The following C1orf159 variants were observed in gnomAD, a reference collection of about 807,000 sequenced individuals.
The protein encoded by C1orf159 is uncharacterized protein C1orf159.
In C1orf159, 19 loss-of-function variants were observed where a neutral mutation model predicts 25.6. The ratio of observed to expected loss-of-function variants is 0.74; its 90% CI spans 0.52 to 1.09. C1orf159 has a LOEUF of 1.09. Ranked by LOEUF, C1orf159 falls within the 50% of genes least tolerant of loss-of-function variation. The pLI is 0.00. For missense variants in C1orf159, 274 were observed against 290.6 expected (o/e 0.94, Z 0.42); for synonymous variants, 139 against 124.7 (o/e 1.12, Z -0.77).
chr1:1,108,210 G>A lies in C1orf159; in HGVS notation c.-136+7850C>T, dbSNP rs555684725. ...ACAGCCACCATGTCTCAGCAGCACC[G>A]TTCACCACAGCCACCATGTCTCAGC... is the stretch of plus-strand genomic sequence containing the variant. On this transcript the variant is annotated intron_variant, in intron 1 of 9. Transcript: ENST00000421241. 8.8e-3 allele frequency among the ~76,000 whole-genome samples: 1,078 copies of A among 121,920 alleles called. 13 individuals carry two copies. Among genetic ancestry groups the A allele is most frequent in the Non-Finnish European group, 9.4e-3 (578 of 61,330 alleles). 80.0% of individuals were successfully genotyped at this position (121,920 alleles called of 152,430 possible).
intron 6 of C1orf159, among the ~76,000 whole-genome samples, chr1:1,086,776 C>T (rs1319108641): frequency 6.6e-6 from 1 of 151,806 alleles, no homozygotes; most frequent in Non-Finnish European, 1.5e-5. Flanking sequence ...GTGGTGTCAG[C>T]GTGAGCCGTG....
At chr1:1,102,092 A>G (rs1026876391) in intron 1 of C1orf159, among the ~76,000 whole-genome samples, 1 of 150,652 alleles carries the variant, frequency 6.6e-6, no homozygotes, top group South Asian at 2.1e-4. Flanking sequence ...AAAAAAAAAA[A>G]AAAACAAACT....
intron 9 of C1orf159, chr1:1,083,500 G>A (rs889240378): frequency 1.3e-4 from 31 of 236,932 alleles, no homozygotes; most frequent in Non-Finnish European, 2.3e-4. Flanking sequence ...GGGACCAGGG[G>A]ACAGAGACGG....
Position 1,103,155 on chromosome 1 carries a change from T to G in C1orf159, c.-135-11052A>C, listed in dbSNP as rs1646126394. Among the ~76,000 whole-genome samples the G allele has an allele frequency of 2.6e-5, 4 of 152,356 alleles. No homozygotes were observed. The South Asian group carries it at 8.3e-4, about 32-fold the overall frequency. Reference sequence around the variant, plus strand: ...ACCACGCCCAGCCAGATCTTGTGTTTGTTTGACCTAAAATTCCCATTTGGC... The same window carrying G: ...ACCACGCCCAGCCAGATCTTGTGTTGGTTTGACCTAAAATTCCCATTTGGC... On this transcript the variant is annotated intron_variant, in intron 1 of 9. Transcript: ENST00000421241.
Position 1,104,770 on chromosome 1 carries a change from C to A in C1orf159, c.-136+11290G>T, listed in dbSNP as rs191265200. ...GCATTCAAGCTGGTCGAGCCGGGAACGCACCTGCACTCCAGCCTGGGCAAC... is the reference window on the plus strand; with the variant it reads ...GCATTCAAGCTGGTCGAGCCGGGAAAGCACCTGCACTCCAGCCTGGGCAAC... On this transcript the variant is annotated intron_variant, in intron 1 of 9. Transcript: ENST00000421241. 2.6e-5 allele frequency among the ~76,000 whole-genome samples: 4 copies of A among 151,944 alleles called. No individual in the cohort carries two copies. In the South Asian group the frequency reaches 8.3e-4, roughly 32 times the overall value.
Position 1,082,370 on chromosome 1 carries a change from C to A in C1orf159, c.*523G>T. On this transcript the variant is annotated 3_prime_UTR_variant, in exon 10 of 10. Transcript: ENST00000421241. Reference sequence around the variant, plus strand: ...AGCCCAGAGGCACCCTGGTCTCAGGCAGCTGGTTCCTAGGCTGTGTCCTCC... The same window carrying A: ...AGCCCAGAGGCACCCTGGTCTCAGGAAGCTGGTTCCTAGGCTGTGTCCTCC... The A allele has an allele frequency of 6.1e-6, 1 of 162,804 alleles. No individual in the cohort carries two copies. 10.1% of individuals were successfully genotyped at this position (162,804 alleles called of 1,614,324 possible). A position where few individuals can be genotyped will look rare whatever the true frequency, so the allele number is the denominator to read the frequency against.
Position 1,087,637 on chromosome 1 carries a change from A to G in C1orf159, c.149-40T>C. 7.1e-7 allele frequency: 1 copy of G among 1,417,300 alleles called. No homozygotes were observed. The allele number at this position is 1,417,300 out of a possible 1,614,324, so 87.8% of individuals were successfully genotyped here. A position where few individuals can be genotyped will look rare whatever the true frequency, so the allele number is the denominator to read the frequency against. ...GGACGGGCATGTCAGCCAAAGCAAAATCCACACCAGCTGGGTCTCCTGGGA... is the reference window on the plus strand; with the variant it reads ...GGACGGGCATGTCAGCCAAAGCAAAGTCCACACCAGCTGGGTCTCCTGGGA... On this transcript the variant is annotated intron_variant, in intron 4 of 9. Coordinates refer to ENST00000421241, the MANE Select transcript of C1orf159 (RefSeq NM_017891.5). The surrounding 1 kb of genome is among the most constrained non-coding windows in gnomAD (Gnocchi z 8.3).
At chr1:1,085,606 G>A (rs545170937) in intron 7 of C1orf159, among the ~76,000 whole-genome samples, 1 of 152,350 alleles carries the variant, frequency 6.6e-6, no homozygotes, top group East Asian at 1.9e-4. Flanking sequence ...GCCCCGGGGA[G>A]ACGCCTCTGC....
At position 1,086,034 on chromosome 1, in the gene C1orf159, C is replaced by T. The variant is rs1386952667; in HGVS notation, c.311-22G>A. Reference sequence around the variant, plus strand: ...GCCCCTGCAAACAGACACCGCTGAGCAGACGGGCAGGACGGTGGCCCTGGC... The same window carrying T: ...GCCCCTGCAAACAGACACCGCTGAGTAGACGGGCAGGACGGTGGCCCTGGC... On this transcript the variant is annotated intron_variant, in intron 6 of 9. Transcript: ENST00000421241. 10 of 1,611,592 alleles carry T rather than the reference C, an allele frequency of 6.2e-6. No individual in the cohort carries two copies. The East Asian group carries it at 8.9e-5, about 14-fold the overall frequency.
rs1013137643 is a variant in C1orf159, at chr1:1,082,497, G to A, written c.*396C>T. The A allele has an allele frequency of 4.9e-5, 13 of 263,830 alleles. No homozygotes were observed. Among genetic ancestry groups the A allele is most frequent in the East Asian group, 1.3e-4 (1 of 7,914 alleles). 16.3% of individuals were successfully genotyped at this position (263,830 alleles called of 1,614,324 possible). ...TGGTGGTGCTGGAGGAGTCCTGCCC[G>A]CTGTGGGCTCTGGAGGGCACGGCAG... On this transcript the variant is annotated 3_prime_UTR_variant, in exon 10 of 10. Coordinates refer to ENST00000421241, the MANE Select transcript of C1orf159 (RefSeq NM_017891.5).
chr1:1,096,738 ATT>A (rs1646014129), intron 1 of C1orf159, among the ~76,000 whole-genome samples: 1 of 152,128 alleles, frequency 6.6e-6, no homozygotes, highest in Non-Finnish European at 1.5e-5. Context: ...GTCTCCTATT[ATT>A]TTGAGACATG....
chr1:1,105,340 C>T (rs956346023), intron 1 of C1orf159, among the ~76,000 whole-genome samples: 1 of 151,608 alleles, frequency 6.6e-6, no homozygotes, highest in African/African-American at 2.4e-5. Context: ...GGGCAATACA[C>T]CGAAACCCCT....
intron 1 of C1orf159, among the ~76,000 whole-genome samples, chr1:1,095,215 A>G (rs994425559): frequency 6.6e-6 from 1 of 152,170 alleles, no homozygotes; most frequent in South Asian, 2.1e-4. Flanking sequence ...ATGTGTTTCC[A>G]TTTTAGACTC....
At chr1:1,084,914 G>A (rs532899680) in intron 7 of C1orf159, among the ~76,000 whole-genome samples, 5 of 152,222 alleles carry the variant, frequency 3.3e-5, no homozygotes, top group East Asian at 1.9e-4. Flanking sequence ...TGAGCCCCAC[G>A]GCCGTGGGCT....
rs140724134 is a variant in C1orf159 at position 1,096,111 on chromosome 1, T to G, written c.-135-4008A>C. ...GATTTTTGCCTGTGTTCATGAAGGA[T>G]AGTGGTCTATAATTTTTTTTAGGTG... On this transcript the variant is annotated intron_variant, in intron 1 of 9. Transcript: ENST00000421241. Among the ~76,000 whole-genome samples the G allele has an allele frequency of 2.3e-3, 355 of 152,322 alleles. 1 individual carries two copies. Among genetic ancestry groups the G allele is most frequent in the African/African-American group, 8.2e-3 (340 of 41,572 alleles).
chr1:1,100,694 T>A (rs796950848), intron 1 of C1orf159, among the ~76,000 whole-genome samples: 54 of 152,350 alleles, frequency 3.5e-4, no homozygotes, highest in African/African-American at 1.3e-3. Context: ...TTTTGCGTGA[T>A]TTGAAGTTTT....
At position 1,099,477 on chromosome 1, in the gene C1orf159, A is replaced by G. The variant is rs1167303505; in HGVS notation, c.-135-7374T>C. Among the ~76,000 whole-genome samples, 3 of 146,146 alleles carry G rather than the reference A, an allele frequency of 2.1e-5. 1 individual carries two copies. The highest frequency in any genetic ancestry group is 7.7e-5 in the African/African-American group (3 of 38,974). On this transcript the variant is annotated intron_variant, in intron 1 of 9. Transcript: ENST00000421241. Reference sequence around the variant, plus strand: ...TGGTCGATTGTTCTAAGAATTGCAGAGAGAGAGGTTAAAATCTCCGACTAT... The same window carrying G: ...TGGTCGATTGTTCTAAGAATTGCAGGGAGAGAGGTTAAAATCTCCGACTAT...
At chr1:1,084,095 C>A in intron 9 of C1orf159, 2 of 1,596,822 alleles carry the variant, frequency 1.3e-6, no homozygotes, top group Non-Finnish European at 1.7e-6. Flanking sequence ...GTCTCGGGAA[C>A]AGGAAAGAGC....
At chr1:1,098,058 T>C (rs1392403095) in intron 1 of C1orf159, among the ~76,000 whole-genome samples, 1 of 152,004 alleles carries the variant, frequency 6.6e-6, no homozygotes, top group Non-Finnish European at 1.5e-5. Flanking sequence ...TGTTATTTTT[T>C]CCCCACCTGA....
Sources: gnomAD v4.1 joint callset for allele counts (sites outside exome capture counted in the v4.1 genomes callset) on GRCh38, gnomAD v4.1.1 for gene constraint, Gnocchi (gnomAD v3.1) non-coding constraint, MANE v1.5 for transcripts, NCBI Gene and HGNC (gene_info 2026-07-23, HGNC 2026-07-21) for gene names.